Variants in RBFOX1 observed in about 807,000 individuals in gnomAD.
RBFOX1 encodes RNA binding protein fox-1 homolog 1.
RBFOX1 carries 8 observed loss-of-function variants against 57.7 expected under a neutral mutation model. That is an observed-to-expected ratio of 0.14 (90% CI 0.08 to 0.25). The LOEUF (loss-of-function observed/expected upper bound fraction) is 0.25, where lower values mean the gene tolerates loss of function less well. RBFOX1 is among the 10% of genes least tolerant of loss of function. The probability of loss-of-function intolerance (pLI) is 1.00; values close to 1 mark genes in which losing one functional copy is unlikely to be tolerated. For synonymous variants in RBFOX1, 326 were observed against 222.4 expected (o/e 1.47, Z -4.15); for missense variants, 611 against 548.5 (o/e 1.11, Z -1.14).
At chr16:7,043,577 A>G (rs560706899) in intron 3 of RBFOX1, among the ~76,000 whole-genome samples, 1 of 152,322 alleles carries the variant, frequency 6.6e-6, no homozygotes, top group South Asian at 2.1e-4. Flanking sequence ...AAATAAAGCT[A>G]CCAATTGATT....
intron 3 of RBFOX1, among the ~76,000 whole-genome samples, chr16:5,636,248 C>T (rs1422071209): frequency 3.3e-5 from 5 of 151,796 alleles, no homozygotes; most frequent in East Asian, 1.9e-4. Context: ...CTCTGGAGGC[C>T]GATGCAGGAG....
At chr16:5,560,030 C>T (rs1478571799) in intron 2 of RBFOX1, among the ~76,000 whole-genome samples, 1 of 152,158 alleles carries the variant, frequency 6.6e-6, no homozygotes, top group Non-Finnish European at 1.5e-5. Context: ...GTTCTCTTGT[C>T]TGTCTTATAA....
Position 7,482,679 on chromosome 16 carries a change from A to G in RBFOX1, c.28-35468A>G, listed in dbSNP as rs146949199. Among the ~76,000 whole-genome samples, 158 of 150,294 alleles carry G rather than the reference A, an allele frequency of 1.1e-3. 2 individuals carry two copies. Among genetic ancestry groups the G allele is most frequent in the South Asian group, 3.2e-3 (15 of 4,738 alleles). On this transcript the variant is annotated intron_variant, in intron 4 of 15. Coordinates refer to ENST00000550418, the MANE Select transcript of RBFOX1 (RefSeq NM_018723.4). ...CTGTGACAGGCATTTCTTATCAGGG[A>G]GAGGCTCCCCTGCTTGCACTTCGAA...
At chr16:6,364,007 G>A (rs553090360) in intron 2 of RBFOX1, among the ~76,000 whole-genome samples, 2 of 152,254 alleles carry the variant, frequency 1.3e-5, no homozygotes, top group South Asian at 2.1e-4. Context: ...CTCCAAGAAG[G>A]CTTCTCCGTG....
At chr16:6,613,049 G>C (rs1024671432) in intron 2 of RBFOX1, among the ~76,000 whole-genome samples, 5 of 149,244 alleles carry the variant, frequency 3.4e-5, no homozygotes, top group African/African-American at 1.2e-4. Flanking sequence ...GTGTGAGTGT[G>C]TGTGTGTGTT....
intron 2 of RBFOX1, among the ~76,000 whole-genome samples, chr16:6,615,126 T>C (rs2098123818): frequency 6.6e-6 from 1 of 152,228 alleles, no homozygotes; most frequent in South Asian, 2.1e-4. Flanking sequence ...ACTCATTGTA[T>C]AAAATACAGT....
At chr16:7,245,093 G>A (rs1380956923) in intron 4 of RBFOX1, among the ~76,000 whole-genome samples, 3 of 152,092 alleles carry the variant, frequency 2.0e-5, no homozygotes, top group Non-Finnish European at 4.4e-5. Flanking sequence ...TTATTTCTAG[G>A]TGCTGTATGT....
intron 1 of RBFOX1, among the ~76,000 whole-genome samples, chr16:5,255,322 T>TTCCATCCATCCA (rs3041858): frequency 2.8e-4 from 33 of 119,480 alleles, no homozygotes; most frequent in Admixed American, 9.2e-4. Flanking sequence ...CCACACTTCC[T>TTCCATCCATCCA]TCCATCCATC....
At chr16:6,960,914 A>G (rs2082833344) in intron 3 of RBFOX1, among the ~76,000 whole-genome samples, 1 of 149,918 alleles carries the variant, frequency 6.7e-6, no homozygotes, top group Non-Finnish European at 1.5e-5. Context: ...TGGGCGGATC[A>G]CTTGAGGTCA....
intron 1 of RBFOX1, among the ~76,000 whole-genome samples, chr16:6,134,386 C>T (rs1041121764): frequency 1.3e-5 from 2 of 152,142 alleles, no homozygotes; most frequent in African/African-American, 2.4e-5. Context: ...CCCCAAGAAC[C>T]GATTACAGGA....
At chr16:6,129,639 A>T (rs185551906) in intron 1 of RBFOX1, among the ~76,000 whole-genome samples, 2 of 151,952 alleles carry the variant, frequency 1.3e-5, no homozygotes, top group South Asian at 4.2e-4. Flanking sequence ...TTCCAAAGTT[A>T]ATGAAAAACA....
chr16:5,636,927 G>A (rs1264287907), intron 3 of RBFOX1, among the ~76,000 whole-genome samples: 1 of 152,192 alleles, frequency 6.6e-6, no homozygotes, highest in Non-Finnish European at 1.5e-5. Context: ...GCCTGAGCCT[G>A]CTGGCCTTGG....
At chr16:6,837,336 G>T (rs1328928070) in intron 3 of RBFOX1, among the ~76,000 whole-genome samples, 1 of 152,204 alleles carries the variant, frequency 6.6e-6, no homozygotes, top group Non-Finnish European at 1.5e-5. Context: ...CCACCTGGCT[G>T]ACTCTGATAA....
At position 6,003,698 on chromosome 16, in the gene RBFOX1, C is replaced by T. The variant is rs1017730679; in HGVS notation, c.351+136363C>T. Among the ~76,000 whole-genome samples, 4 of 152,364 alleles carry T rather than the reference C, an allele frequency of 2.6e-5. No individual in the cohort carries two copies. In the South Asian group the frequency reaches 6.2e-4, roughly 24 times the overall value. On this transcript the variant is annotated intron_variant, in intron 4 of 19. Transcript: ENST00000641259. ...CTCTGCTATTCCCTAGGCCTGGGGCCTTGGCCAAGTTCTTTAACATCTCTT... is the reference window on the plus strand; with the variant it reads ...CTCTGCTATTCCCTAGGCCTGGGGCTTTGGCCAAGTTCTTTAACATCTCTT...
intron 1 of RBFOX1, among the ~76,000 whole-genome samples, chr16:6,086,535 C>T (rs1452852826): frequency 1.3e-5 from 2 of 152,162 alleles, no homozygotes; most frequent in Non-Finnish European, 2.9e-5. Flanking sequence ...TAAACATAAA[C>T]CAGCAGTGAA....
intron 4 of RBFOX1, among the ~76,000 whole-genome samples, chr16:7,378,168 C>T (rs1331662838): frequency 6.6e-6 from 1 of 152,144 alleles, no homozygotes; most frequent in Non-Finnish European, 1.5e-5. Context: ...GCAGTATGAG[C>T]TTTATCGTTG....
rs138062004 is a variant in RBFOX1, at chr16:5,721,019, G to A, written c.318+122058G>A. On this transcript the variant is annotated intron_variant, in intron 3 of 19. Transcript: ENST00000641259. ...GTGTTAAATCTGTAGATCAATTTGA[G>A]AGGTATTTTCATTTTAGTATTGTCT... Among the ~76,000 whole-genome samples the A allele has an allele frequency of 4.6e-3, 699 of 152,258 alleles. 7 individuals are homozygous for A. Among genetic ancestry groups the A allele is most frequent in the Non-Finnish European group, 6.6e-3 (446 of 68,022 alleles).
At chr16:5,248,975 A>AG (rs2062374756) in intron 1 of RBFOX1, among the ~76,000 whole-genome samples, 1 of 132,832 alleles carries the variant, frequency 7.5e-6, no homozygotes, top group African/African-American at 2.9e-5. Context: ...ACAACAGAGC[A>AG]AGACTCCATC....
intron 4 of RBFOX1, among the ~76,000 whole-genome samples, chr16:5,943,687 A>G (rs908084673): frequency 2.0e-5 from 3 of 152,212 alleles, no homozygotes; most frequent in African/African-American, 7.2e-5. Context: ...GAGAATTCGA[A>G]GGAGGTTGAT....
Sources: allele counts gnomAD v4.1 joint callset (sites outside exome capture counted in the v4.1 genomes callset), GRCh38; gene constraint gnomAD v4.1.1; transcripts MANE v1.5; gene names NCBI Gene and HGNC (gene_info 2026-07-23, HGNC 2026-07-21).